The following LARP4 variants were observed in gnomAD, a reference collection of about 807,000 sequenced individuals.
The protein encoded by LARP4 is la-related protein 4.
In LARP4, 29 loss-of-function variants were observed where a neutral mutation model predicts 92.9. That is an observed-to-expected ratio of 0.31 (90% CI 0.23 to 0.43). The LOEUF is 0.43. Ranked by LOEUF, LARP4 falls within the 20% of genes least tolerant of loss-of-function variation. The pLI, the probability that LARP4 is intolerant of heterozygous loss-of-function variation, is 1.00. For missense variants in LARP4, 732 were observed against 860.0 expected (o/e 0.85, Z 1.86); for synonymous variants, 279 against 284.1 (o/e 0.98, Z 0.18).
chr12:50,441,466 G>T (rs1202197261), intron 7 of LARP4, 124 bp from the exon 8 acceptor site: 1 of 617,802 alleles, frequency 1.6e-6, no homozygotes, highest in Non-Finnish European at 2.8e-6. Context: ...CTGTCCACCT[G>T]CACAGTGGAA....
At chr12:50,439,335 T>C (rs1950875696) in intron 6 of LARP4, among the ~76,000 whole-genome samples, 1 of 152,212 alleles carries the variant, frequency 6.6e-6, no homozygotes, top group Non-Finnish European at 1.5e-5. Context: ...ACCAAATGTT[T>C]TGTTGGGTTT....
At chr12:50,401,233 A>G (rs1244183764) in intron 1 of LARP4, 5 of 643,180 alleles carry the variant, frequency 7.8e-6, no homozygotes, top group Non-Finnish European at 1.4e-5. Context: ...TGAGGCCCGT[A>G]GTGGAGAAGA....
intron 12 of LARP4, among the ~76,000 whole-genome samples, chr12:50,465,023 T>C (rs929886586): frequency 1.3e-5 from 2 of 151,930 alleles, no homozygotes; most frequent in African/African-American, 4.8e-5. Flanking sequence ...ATAGTAGCAG[T>C]CCACATGACT....
chr12:50,404,346 C>T (rs1944402803), intron 1 of LARP4, among the ~76,000 whole-genome samples: 1 of 152,150 alleles, frequency 6.6e-6, no homozygotes, highest in Admixed American at 6.6e-5. Flanking sequence ...GAATATATTG[C>T]AGACAAGGAA....
chr12:50,429,961 G>A (rs1949404550), intron 3 of LARP4, among the ~76,000 whole-genome samples: 1 of 152,038 alleles, frequency 6.6e-6, no homozygotes, highest in Non-Finnish European at 1.5e-5. Flanking sequence ...TTAGTATTGT[G>A]CATTGTTAAT....
chr12:50,404,454 CAG>C (rs773343965), intron 1 of LARP4, among the ~76,000 whole-genome samples: 2 of 152,022 alleles, frequency 1.3e-5, no homozygotes, highest in Non-Finnish European at 2.9e-5. Context: ...ACTAGGGAGG[CAG>C]AGGCAGGAGT....
intron 3 of LARP4, 39 bp from the exon 4 acceptor site, chr12:50,430,456 T>C (rs757607741): frequency 8.9e-7 from 1 of 1,124,072 alleles, no homozygotes; most frequent in Non-Finnish European, 1.3e-6. Context: ...TCTACTAACA[T>C]GCTATTAACT....
At chr12:50,445,312 C>T (rs1258220389) in intron 8 of LARP4, among the ~76,000 whole-genome samples, 2 of 152,070 alleles carry the variant, frequency 1.3e-5, no homozygotes, top group African/African-American at 2.4e-5. Context: ...GAGATGTTCA[C>T]CATCATTCAC....
chr12:50,421,266 A>G lies in LARP4; in HGVS notation c.19-6496A>G, dbSNP rs371042695. 1.0e-5 allele frequency: 10 copies of G among 984,762 alleles called. No individual in the cohort carries two copies. The East Asian group carries it at 6.8e-4, about 67-fold the overall frequency. The allele number at this position is 984,762 out of a possible 1,614,324, so 61.0% of individuals were successfully genotyped here. ...ACCCAGCCGGCTTTTAACGTACTGT[A>G]ATATGCTCTGGTTTGAAAAAATCAG... On this transcript the variant is annotated intron_variant, in intron 1 of 15. Transcript: ENST00000398473.
chr12:50,464,095 T>C (rs1345667718), intron 12 of LARP4, among the ~76,000 whole-genome samples: 1 of 152,220 alleles, frequency 6.6e-6, no homozygotes, highest in Non-Finnish European at 1.5e-5. Context: ...TTTTCAGTTA[T>C]CTTTATAGCA....
intron 6 of LARP4, among the ~76,000 whole-genome samples, chr12:50,438,584 G>T (rs1950768474): frequency 1.3e-5 from 2 of 152,082 alleles, no homozygotes; most frequent in African/African-American, 2.4e-5. Context: ...AGATGGTATG[G>T]TACACGTACC....
At chr12:50,472,978 G>A (rs557850334) in intron 13 of LARP4, among the ~76,000 whole-genome samples, 37 of 151,720 alleles carry the variant, frequency 2.4e-4, no homozygotes, top group African/African-American at 8.2e-4. Flanking sequence ...ATGCACCACC[G>A]TGCCCAGCTA....
At chr12:50,413,411 T>C (rs1197796652) in intron 1 of LARP4, among the ~76,000 whole-genome samples, 1 of 152,150 alleles carries the variant, frequency 6.6e-6, no homozygotes, top group African/African-American at 2.4e-5. Context: ...CTGTAAAATA[T>C]ATATTTTACA....
intron 12 of LARP4, among the ~76,000 whole-genome samples, chr12:50,462,927 TTTTC>T (rs1050857367): frequency 2.8e-4 from 42 of 152,256 alleles, no homozygotes; most frequent in African/African-American, 9.1e-4. Context: ...TTTCCTTACC[TTTTC>T]TTTCTTCTTT....
At chr12:50,448,856 C>T (rs1296223773) in intron 8 of LARP4, among the ~76,000 whole-genome samples, 1 of 152,154 alleles carries the variant, frequency 6.6e-6, no homozygotes, top group African/African-American at 2.4e-5. Context: ...ACGACAATAT[C>T]ATCATTAGAC....
At position 50,432,911 on chromosome 12, in the gene LARP4, C is replaced by G. The variant is rs923810198; in HGVS notation, c.398+2341C>G. 3.3e-5 allele frequency among the ~76,000 whole-genome samples: 5 copies of G among 150,100 alleles called. No individual in the cohort carries two copies. In the South Asian group the frequency reaches 8.4e-4, roughly 25 times the overall value. Reference sequence around the variant, plus strand: ...GGCAGTGTCTTATCGGGGAGACTTGCGTTTGCCGCATTTTTGCTTGCACTG... The same window carrying G: ...GGCAGTGTCTTATCGGGGAGACTTGGGTTTGCCGCATTTTTGCTTGCACTG... On this transcript the variant is annotated intron_variant, in intron 4 of 15. Transcript: ENST00000398473.
chr12:50,414,821 T>A (rs537094692), intron 1 of LARP4, among the ~76,000 whole-genome samples: 1 of 152,328 alleles, frequency 6.6e-6, no homozygotes, highest in South Asian at 2.1e-4. Context: ...AGGTGAACAT[T>A]TAGGTGGTTT....
chr12:50,442,306 C>T lies in LARP4; in HGVS notation c.804+663C>T, dbSNP rs116816936. Among the ~76,000 whole-genome samples, 1,001 of 152,276 alleles carry T rather than the reference C, an allele frequency of 6.6e-3. 10 individuals are homozygous for T. The highest frequency in any genetic ancestry group is 0.023 in the African/African-American group (969 of 41,558). The stretch of plus-strand genomic sequence containing the variant: ...CTCATCTCAATTAACTGCATCACTA[C>T]GTACCATCAATACAACCATTTGGAA... On this transcript the variant is annotated intron_variant, in intron 8 of 15. Transcript: ENST00000398473.
In LARP4 at chr12:50,473,543, G is replaced by A; in HGVS notation, c.1667+7G>A. 1 of 1,611,516 alleles carries A rather than the reference G, an allele frequency of 6.2e-7. No individual in the cohort carries two copies. The highest frequency in any genetic ancestry group is 1.7e-4 in the Middle Eastern group (1 of 6,042). Reference sequence around the variant, plus strand: ...CTGAGCTTACTGCATTAAGGTACAAGTTATAGTATAGAAGATCTTCAACAT... The same window carrying A: ...CTGAGCTTACTGCATTAAGGTACAAATTATAGTATAGAAGATCTTCAACAT... On this transcript the variant is annotated splice_region_variant and intron_variant, in intron 14 of 15. Coordinates refer to ENST00000398473, the MANE Select transcript of LARP4 (RefSeq NM_052879.5).
Sources: allele counts gnomAD v4.1 joint callset (sites outside exome capture counted in the v4.1 genomes callset), GRCh38; gene constraint gnomAD v4.1.1; transcripts MANE v1.5; gene names NCBI Gene and HGNC (gene_info 2026-07-23, HGNC 2026-07-21).